Variants in RPS6KB2 observed in about 807,000 individuals in gnomAD.
RPS6KB2 encodes the protein ribosomal protein S6 kinase beta-2.
In RPS6KB2, 51 loss-of-function variants were observed where a neutral mutation model predicts 58.2. That is an observed-to-expected ratio of 0.88 (90% CI 0.70 to 1.11). The LOEUF (loss-of-function observed/expected upper bound fraction) is 1.11. Among genes scored for constraint, RPS6KB2 ranks in the 50% least tolerant of loss-of-function variants. The probability of loss-of-function intolerance (pLI) is 0.00; values close to 1 mark genes in which losing one functional copy is unlikely to be tolerated. For synonymous variants in RPS6KB2, 293 were observed against 258.6 expected (o/e 1.13, Z -1.28); for missense variants, 671 against 655.8 (o/e 1.02, Z -0.25).
intron 7 of RPS6KB2, 47 bp from the exon 8 acceptor site, chr11:67,432,905 T>G: frequency 1.2e-6 from 2 of 1,608,700 alleles, no homozygotes; most frequent in Middle Eastern, 1.7e-4. Context: ...AGGACCTCTG[T>G]GGGTGGGGTG....
At chr11:67,428,854 T>G (rs1430484604) in intron 1 of RPS6KB2, 128 bp from the exon 2 acceptor site, 3 of 1,174,814 alleles carry the variant, frequency 2.6e-6, no homozygotes, top group Non-Finnish European at 3.8e-6. Context: ...TTCTTCCCAA[T>G]TCTTACCCAT....
intron 5 of RPS6KB2, chr11:67,431,974 G>A: frequency 3.7e-6 from 1 of 271,854 alleles, no homozygotes; most frequent in Non-Finnish European, 7.2e-6. Flanking sequence ...CTGCTTTCTA[G>A]TGTCTCCTCT....
rs371993545 is a variant in RPS6KB2, at chr11:67,428,502, C to A, written c.-44C>A. 12 of 1,551,402 alleles carry A rather than the reference C, an allele frequency of 7.7e-6. No individual in the cohort carries two copies. Among genetic ancestry groups the A allele is most frequent in the East Asian group, 4.6e-5 (2 of 43,468 alleles). Reference sequence around the variant, plus strand: ...TTAGGTCCGGGACTGTCAGTCAGTGCGCGGCCAGGTACGGGCCGACGGGCC... The same window carrying A: ...TTAGGTCCGGGACTGTCAGTCAGTGAGCGGCCAGGTACGGGCCGACGGGCC... On this transcript the variant is annotated 5_prime_UTR_variant, in exon 1 of 15. Transcript: ENST00000312629.
chr11:67,433,493 C>T lies in RPS6KB2; in HGVS notation c.906+46C>T, dbSNP rs146472159. ...CTCCGGGGCCCTGCCAGCCATTCTG[C>T]ACGTGTTCCTGAGTCTCTCTGGGCT... On this transcript the variant is annotated intron_variant, in intron 10 of 14. Coordinates refer to ENST00000312629, the MANE Select transcript of RPS6KB2 (RefSeq NM_003952.3). 1.1e-4 allele frequency: 156 copies of T among 1,420,696 alleles called. No homozygotes were observed. In the East Asian group the frequency reaches 3.3e-3, roughly 30 times the overall value. The allele number at this position is 1,420,696 out of a possible 1,614,324, so 88.0% of individuals were successfully genotyped here.
intron 10 of RPS6KB2, 35 bp downstream of exon 10, chr11:67,433,482 C>T: frequency 6.7e-7 from 1 of 1,488,506 alleles, no homozygotes. Context: ...GGGGCCCTGC[C>T]AGCCATTCTG....
chr11:67,429,860 C>G lies in RPS6KB2; in HGVS notation c.309+265C>G. ...ACGGAGTCTTGCTCTGTCACCCAGG[C>G]TGGAGTGCAGTGACGCGATTTTGGC... is the stretch of plus-strand genomic sequence containing the variant. On this transcript the variant is annotated intron_variant, in intron 4 of 14. Transcript: ENST00000312629. 1.4e-5 allele frequency: 5 copies of G among 365,220 alleles called. No homozygotes were observed. The South Asian group carries it at 1.5e-4, about 11-fold the overall frequency. 22.6% of individuals were successfully genotyped at this position (365,220 alleles called of 1,614,324 possible).
At chr11:67,433,950 G>A (rs1864141937) in intron 10 of RPS6KB2, 45 bp from the exon 11 acceptor site, 21 of 1,609,228 alleles carry the variant, frequency 1.3e-5, no homozygotes, top group Non-Finnish European at 1.7e-5. Flanking sequence ...GGGGACACAT[G>A]AGCAGTACTT....
At chr11:67,429,645 A>G (rs1272132667) in intron 4 of RPS6KB2, 50 bp downstream of exon 4, 1 of 1,413,576 alleles carries the variant, frequency 7.1e-7, no homozygotes, top group Non-Finnish European at 9.9e-7. Flanking sequence ...CATTCCCAAC[A>G]TGCTGTACCA....
At chr11:67,434,740 A>ATCCT in intron 14 of RPS6KB2, 46 bp downstream of exon 14, 1 of 1,449,846 alleles carries the variant, frequency 6.9e-7, no homozygotes, top group Non-Finnish European at 9.4e-7. Flanking sequence ...GGACGCTGGC[A>ATCCT]GGCAGGATGC....
Position 67,431,394 on chromosome 11 carries a change from C to G in RPS6KB2, c.336C>G (p.Asp112Glu). ...RKAKIVRNAKDTAHTRAERNI... is the reference protein window; with the variant it reads ...RKAKIVRNAKETAHTRAERNI... ...CCAAAATTGTGCGCAATGCCAAGGA[C>G]ACAGCACACACACGGGCTGAGCGGA... is the stretch of plus-strand genomic sequence containing the variant. The change falls in exon 5 of 15, where the codon GAC becomes GAG. Residue 112 changes from aspartate (D) to glutamate (E), a missense_variant. Coordinates refer to ENST00000312629, the MANE Select transcript of RPS6KB2 (RefSeq NM_003952.3). 6.2e-7 allele frequency: 1 copy of G among 1,614,070 alleles called. No individual in the cohort carries two copies. Among genetic ancestry groups the G allele is most frequent in the Non-Finnish European group, 8.5e-7 (1 of 1,180,004 alleles).
chr11:67,434,508 G>C (rs761693337), intron 13 of RPS6KB2, 24 bp downstream of exon 13: 5 of 1,603,880 alleles, frequency 3.1e-6, no homozygotes, highest in Non-Finnish European at 4.3e-6. Context: ...CCTGAGGCCT[G>C]TGGGACCAGG....
At chr11:67,431,730 G>A (rs946321474) in intron 5 of RPS6KB2, 23 of 539,734 alleles carry the variant, frequency 4.3e-5, no homozygotes, top group Middle Eastern at 1.0e-3. Flanking sequence ...TGTCCCTCAC[G>A]TGTGTTGGGG....
At position 67,434,357 on chromosome 11, in the gene RPS6KB2, C is replaced by T; in HGVS notation, c.1048-20C>T. ...CATCTTGGTGCCCTCTGACCCCTCC[C>T]CACTCTGGTCGGCCCACAGCAGTCA... On this transcript the variant is annotated intron_variant, in intron 12 of 14. Transcript: ENST00000312629. 6.2e-7 allele frequency: 1 copy of T among 1,611,334 alleles called. No individual in the cohort carries two copies. Among genetic ancestry groups the T allele is most frequent in the South Asian group, 1.1e-5 (1 of 91,058 alleles).
chr11:67,433,943 G>C, intron 10 of RPS6KB2, 52 bp from the exon 11 acceptor site: 1 of 1,603,780 alleles, frequency 6.2e-7, no homozygotes, highest in Non-Finnish European at 8.5e-7. Flanking sequence ...GGGACCCGGG[G>C]ACACATGAGC....
chr11:67,432,959 C>T lies in RPS6KB2; in HGVS notation c.624C>T (p.Ile208=). 1 of 1,613,354 alleles carries T rather than the reference C, an allele frequency of 6.2e-7. No individual in the cohort carries two copies. Among genetic ancestry groups the T allele is most frequent in the Non-Finnish European group, 8.5e-7 (1 of 1,180,024 alleles). Residue 208 remains isoleucine, a synonymous_variant, in exon 8 of 15, where the codon ATC becomes ATT. Transcript: ENST00000312629. ...ENIMLSSQGH[I]KLTDFGLCKE... is the part of the protein sequence containing the mutation. ...TCCAACACCCTTCCTCAGGCCACAT[C>T]AAACTGACCGACTTTGGACTCTGCA...
chr11:67,434,335 C>A, intron 12 of RPS6KB2, 42 bp from the exon 13 acceptor site: 1 of 1,610,342 alleles, frequency 6.2e-7, no homozygotes, highest in Non-Finnish European at 8.5e-7. Context: ...GAACCTGCAT[C>A]TTGGTGCCCT....
chr11:67,433,714 A>G (rs1489840081), intron 10 of RPS6KB2, among the ~76,000 whole-genome samples: 6 of 152,148 alleles, frequency 3.9e-5, no homozygotes, highest in Non-Finnish European at 8.8e-5. Context: ...AAAGGCGAGC[A>G]TCGGAGGTGT....
intron 3 of RPS6KB2, 143 bp downstream of exon 3, chr11:67,429,383 C>A (rs778217520): frequency 2.2e-5 from 30 of 1,375,546 alleles, no homozygotes; most frequent in African/African-American, 2.9e-5. Context: ...AAGGCCAAAT[C>A]CTCTCCAATC....
At chr11:67,431,852 C>T (rs1864033122) in intron 5 of RPS6KB2, 2 of 305,236 alleles carry the variant, frequency 6.6e-6, no homozygotes, top group Admixed American at 9.2e-5. Context: ...CCTGTCAGGT[C>T]CCCAGCCCAA....
Sources: allele counts gnomAD v4.1 joint callset (sites outside exome capture counted in the v4.1 genomes callset), GRCh38; gene constraint gnomAD v4.1.1; transcripts MANE v1.5; gene names NCBI Gene and HGNC (gene_info 2026-07-23, HGNC 2026-07-21).